The following PHACTR2 variants were observed in gnomAD, a reference collection of about 807,000 sequenced individuals.
PHACTR2 encodes the protein chromosome 6 open reading frame 56.
In PHACTR2, 30 loss-of-function variants were observed where a neutral mutation model predicts 76.0. That is an observed-to-expected ratio of 0.39 (90% CI 0.30 to 0.54). The LOEUF is 0.54. Ranked by LOEUF, PHACTR2 falls within the 20% of genes least tolerant of loss-of-function variation. PHACTR2 has a pLI of 0.61. For missense variants in PHACTR2, 696 were observed against 781.1 expected (o/e 0.89, Z 1.30); for synonymous variants, 292 against 292.5 (o/e 1.00, Z 0.02).
Position 143,777,708 on chromosome 6 carries a change from G to A in PHACTR2, c.1645+325G>A, listed in dbSNP as rs1032576535. Among the ~76,000 whole-genome samples, 1 of 151,874 alleles carries A rather than the reference G, an allele frequency of 6.6e-6. No homozygotes were observed. Among genetic ancestry groups the A allele is most frequent in the Non-Finnish European group, 1.5e-5 (1 of 67,982 alleles). ...AGAAAAAGAATGCTCTAGTCTTCTC[G>A]CAAATAAATGTCAAAGAAAAGGCCA... On this transcript the variant is annotated intron_variant, in intron 9 of 12. Coordinates refer to ENST00000440869, the MANE Select transcript of PHACTR2 (RefSeq NM_001100164.2). This position sits in a 1 kb window ranked among gnomAD's most constrained non-coding sequence, Gnocchi z 4.6.
rs542404545 is a variant in PHACTR2 at position 143,726,361 on chromosome 6, T to C, written c.214+14178T>C. On this transcript the variant is annotated intron_variant, in intron 2 of 12. Transcript: ENST00000440869. ...TCAGTAGTGTTCAATATATTTACATTGTTCTATGAATAGATCTCCGGAACT... is the reference window on the plus strand; with the variant it reads ...TCAGTAGTGTTCAATATATTTACATCGTTCTATGAATAGATCTCCGGAACT... 3.9e-5 allele frequency among the ~76,000 whole-genome samples: 6 copies of C among 152,348 alleles called. No homozygotes were observed. In the South Asian group the frequency reaches 8.3e-4, roughly 21 times the overall value.
chr6:143,711,859 A>C (rs1778182416), intron 1 of PHACTR2, 157 bp from the exon 2 acceptor site: 1 of 770,586 alleles, frequency 1.3e-6, no homozygotes. Context: ...GATATGAGGG[A>C]AGTCCTACCA....
At position 143,608,276 on chromosome 6, in the gene PHACTR2, C is replaced by T. The variant is rs1775912949; in HGVS notation, c.-34C>T. 1 of 1,613,548 alleles carries T rather than the reference C, an allele frequency of 6.2e-7. No individual in the cohort carries two copies. The highest frequency in any genetic ancestry group is 1.1e-5 in the South Asian group (1 of 91,024). On this transcript the variant is annotated 5_prime_UTR_variant, in exon 1 of 12. Transcript: ENST00000305766. The surrounding 1 kb of genome is among the most constrained non-coding windows in gnomAD (Gnocchi z 4.6). ...AGAAGAGCCAGGGCTTCCCGGCTGC[C>T]AGGCTACAGAACTCGCCTCGCCACT...
rs530834804 is a variant in PHACTR2, at chr6:143,794,960, A to G, written c.1845+6050A>G. On this transcript the variant is annotated intron_variant, in intron 11 of 12. Coordinates refer to ENST00000440869, the MANE Select transcript of PHACTR2 (RefSeq NM_001100164.2). This position sits in a 1 kb window ranked among gnomAD's most constrained non-coding sequence, Gnocchi z 4.1. The stretch of plus-strand genomic sequence containing the variant: ...TAGCCAATCAGTCAGTAATTAATCA[A>G]TGCCTCTCCTTTCTGTGAAGGAGGA... Among the ~76,000 whole-genome samples the G allele has an allele frequency of 5.5e-4, 84 of 152,224 alleles. No individual in the cohort carries two copies. Among genetic ancestry groups the G allele is most frequent in the Non-Finnish European group, 1.0e-3 (68 of 68,014 alleles).
At chr6:143,748,883 C>G in intron 2 of PHACTR2, 102 bp from the exon 3 acceptor site, 1 of 614,978 alleles carries the variant, frequency 1.6e-6, no homozygotes, top group South Asian at 2.1e-5. Context: ...AGTTTGAGCC[C>G]TCATGTGAGG....
chr6:143,584,512 C>G (rs1373695491), intron 1 of PHACTR2, among the ~76,000 whole-genome samples: 1 of 152,178 alleles, frequency 6.6e-6, no homozygotes, highest in Non-Finnish European at 1.5e-5. Context: ...GAACAGGCTG[C>G]CTTTACTGAT....
At position 143,708,808 on chromosome 6, in the gene PHACTR2, G is replaced by A. The variant is rs1299494592; in HGVS notation, c.47-3208G>A. Among the ~76,000 whole-genome samples, 4 of 152,146 alleles carry A rather than the reference G, an allele frequency of 2.6e-5. No homozygotes were observed. The highest frequency in any genetic ancestry group is 5.9e-5 in the Non-Finnish European group (4 of 68,032). The stretch of plus-strand genomic sequence containing the variant: ...TATGGTCTATGATAGGGGAAAAATA[G>A]GCTGTTCTTAATTGCTTCAGAGGGA... On this transcript the variant is annotated intron_variant, in intron 1 of 12. Coordinates refer to ENST00000440869, the MANE Select transcript of PHACTR2 (RefSeq NM_001100164.2). This position sits in a 1 kb window ranked among gnomAD's most constrained non-coding sequence, Gnocchi z 5.5.
At position 143,823,813 on chromosome 6, in the gene PHACTR2, G is replaced by A; in HGVS notation, c.*124G>A. 2 of 845,570 alleles carry A rather than the reference G, an allele frequency of 2.4e-6. No homozygotes were observed. The highest frequency in any genetic ancestry group is 4.0e-6 in the Non-Finnish European group (2 of 498,194). The allele number at this position is 845,570 out of a possible 1,614,324, so 52.4% of individuals were successfully genotyped here. On this transcript the variant is annotated 3_prime_UTR_variant, in exon 13 of 13. Transcript: ENST00000440869. The surrounding 1 kb of genome is among the most constrained non-coding windows in gnomAD (Gnocchi z 5.7). ...TTCCGTTTAACTTGTGGTGAAGGAA[G>A]TGTGTGACTCAGCTTGGCTGGGAAG... is the stretch of plus-strand genomic sequence containing the variant.
intron 1 of PHACTR2, among the ~76,000 whole-genome samples, chr6:143,575,778 G>GTTTTTTTTTTTTTTTTT (rs1775499344): frequency 6.6e-6 from 1 of 152,022 alleles, no homozygotes; most frequent in African/African-American, 2.4e-5. Flanking sequence ...TTATTGAACC[G>GTTTTTTTTTTTTTTTTT]TTTTGTTAAG....
intron 1 of PHACTR2, among the ~76,000 whole-genome samples, chr6:143,575,221 A>G (rs9386038): frequency 0.61 from 93,228 of 152,022 alleles, 28,925 homozygotes; most frequent in Middle Eastern, 0.72. Context: ...TTTGAACATC[A>G]TGATTTCTAT....
rs141906834 is a variant in PHACTR2 at position 143,742,342 on chromosome 6, G to C, written c.215-6643G>C. Reference sequence around the variant, plus strand: ...TATTTCCTCCCTGTTGGCTTTTGTTGTTGTTGTGGTTGTTAACTTCAGTTC... The same window carrying C: ...TATTTCCTCCCTGTTGGCTTTTGTTCTTGTTGTGGTTGTTAACTTCAGTTC... On this transcript the variant is annotated intron_variant, in intron 2 of 12. Coordinates refer to ENST00000440869, the MANE Select transcript of PHACTR2 (RefSeq NM_001100164.2). The surrounding 1 kb of genome is among the most constrained non-coding windows in gnomAD (Gnocchi z 4.5). Among the ~76,000 whole-genome samples, 629 of 152,266 alleles carry C rather than the reference G, an allele frequency of 4.1e-3. 4 individuals carry two copies. Among genetic ancestry groups the C allele is most frequent in the African/African-American group, 0.014 (589 of 41,538 alleles).
intron 1 of PHACTR2, chr6:143,711,176 A>G (rs1046586911): frequency 2.1e-5 from 8 of 378,152 alleles, no homozygotes; most frequent in Admixed American, 4.0e-5. Context: ...TCTGCCTCCA[A>G]GAAAAAACTA....
intron 1 of PHACTR2, among the ~76,000 whole-genome samples, chr6:143,668,196 G>A (rs1241205799): frequency 6.6e-6 from 1 of 152,160 alleles, no homozygotes; most frequent in East Asian, 1.9e-4. Context: ...TGCGTATGTT[G>A]AACCAGCCTT....
At position 143,783,145 on chromosome 6, in the gene PHACTR2, G is replaced by T; in HGVS notation, c.1646-74G>T. The T allele has an allele frequency of 6.0e-6, 5 of 830,166 alleles. No individual in the cohort carries two copies. The highest frequency in any genetic ancestry group is 4.4e-5 in the South Asian group (3 of 68,306). 51.4% of individuals were successfully genotyped at this position (830,166 alleles called of 1,614,324 possible). A position where few individuals can be genotyped will look rare whatever the true frequency, so the allele number is the denominator to read the frequency against. ...TTATTTGTTAGAGTCACATGATCGT[G>T]GCCTGATACACTTTTCTGAATATGA... On this transcript the variant is annotated intron_variant, in intron 9 of 12. Coordinates refer to ENST00000440869, the MANE Select transcript of PHACTR2 (RefSeq NM_001100164.2). This position sits in a 1 kb window ranked among gnomAD's most constrained non-coding sequence, Gnocchi z 5.2.
At chr6:143,566,486 A>G (rs1775364944) in intron 1 of PHACTR2, among the ~76,000 whole-genome samples, 1 of 149,228 alleles carries the variant, frequency 6.7e-6, no homozygotes, top group African/African-American at 2.5e-5. Flanking sequence ...GTTGTTTTGT[A>G]GAGAAAGGGG....
rs114928185 is a variant in PHACTR2, at chr6:143,739,986, G to A, written c.215-8999G>A. On this transcript the variant is annotated intron_variant, in intron 2 of 12. Transcript: ENST00000440869. The surrounding 1 kb of genome is among the most constrained non-coding windows in gnomAD (Gnocchi z 4.3). ...ATCTCGGACAAGAAAGAATTCAGGGGGAGTCCATAAAGTGAAGTGAAAGCA... is the reference window on the plus strand; with the variant it reads ...ATCTCGGACAAGAAAGAATTCAGGGAGAGTCCATAAAGTGAAGTGAAAGCA... 2.3e-3 allele frequency among the ~76,000 whole-genome samples: 352 copies of A among 152,244 alleles called. No homozygotes were observed. Among genetic ancestry groups the A allele is most frequent in the African/African-American group, 7.9e-3 (328 of 41,544 alleles).
At chr6:143,676,771 G>C (rs2128451946), upstream of PHACTR2, among the ~76,000 whole-genome samples, 1 of 151,842 alleles carries the variant, frequency 6.6e-6, no homozygotes, top group South Asian at 2.1e-4. The surrounding 1 kb of genome is among the most constrained non-coding windows in gnomAD (Gnocchi z 4.8). Flanking sequence ...TGTTTCTTAA[G>C]AGTGAATTAG....
At position 143,591,107 on chromosome 6, in the gene PHACTR2, T is replaced by C. The variant is rs1008510636; in HGVS notation, c.217+53900T>C. On this transcript the variant is annotated intron_variant, in intron 1 of 11. Coordinates refer to the PHACTR2 transcript ENST00000367584. The surrounding 1 kb of genome is among the most constrained non-coding windows in gnomAD (Gnocchi z 6.4). ...TTTTGAAATATTAACAGGTTTTTTT[T>C]CTGTAATTCTTTGTGCCTTGTGATG... 1.3e-5 allele frequency among the ~76,000 whole-genome samples: 2 copies of C among 152,074 alleles called. No individual in the cohort carries two copies. Among genetic ancestry groups the C allele is most frequent in the Non-Finnish European group, 2.9e-5 (2 of 68,048 alleles).
chr6:143,552,905 A>G (rs902414673), intron 1 of PHACTR2, among the ~76,000 whole-genome samples: 2 of 151,716 alleles, frequency 1.3e-5, no homozygotes, highest in African/African-American at 4.8e-5. Flanking sequence ...AAAAAAAAAA[A>G]AAAGCAAAAA....
Sources: gnomAD v4.1 joint callset for allele counts (sites outside exome capture counted in the v4.1 genomes callset) on GRCh38, gnomAD v4.1.1 for gene constraint, Gnocchi (gnomAD v3.1) non-coding constraint, MANE v1.5 for transcripts, NCBI Gene and HGNC (gene_info 2026-07-23, HGNC 2026-07-21) for gene names.